Variants in ZNF282 observed in about 807,000 individuals in gnomAD.
ZNF282 encodes zinc finger protein 282, also known as HTLV-I U5 repressive element-binding protein 1.
ZNF282 carries 30 observed loss-of-function variants against 61.9 expected under a neutral mutation model. The observed-to-expected ratio is 0.48, with a 90% confidence interval of 0.36 to 0.66. The LOEUF is 0.66. ZNF282 is among the 30% of genes least tolerant of loss of function. The pLI is 0.00. For missense variants in ZNF282, 788 were observed against 941.4 expected (o/e 0.84, Z 2.13); for synonymous variants, 396 against 405.0 (o/e 0.98, Z 0.27).
At position 149,210,578 on chromosome 7, in the gene ZNF282, T is replaced by G; in HGVS notation, c.833-7T>G. The G allele has an allele frequency of 1.2e-6, 2 of 1,609,892 alleles. No individual in the cohort carries two copies. The highest frequency in any genetic ancestry group is 1.7e-6 in the Non-Finnish European group (2 of 1,178,328). ...AGACACAAAGCAATGTCATTCTCTG[T>G]CCCCAGGAGCAGAGCCCCTGGTGCC... On this transcript the variant is annotated splice_polypyrimidine_tract_variant and splice_region_variant and intron_variant, in intron 4 of 7. Coordinates refer to ENST00000610704, the MANE Select transcript of ZNF282 (RefSeq NM_003575.4).
intron 7 of ZNF282, among the ~76,000 whole-genome samples, chr7:149,222,944 C>G (rs549268122): frequency 1.3e-5 from 2 of 151,494 alleles, no homozygotes; most frequent in Admixed American, 6.6e-5. Flanking sequence ...CTGCGCCTGG[C>G]CTTTTTAAAT....
At chr7:149,208,936 G>A (rs1166285023) in intron 4 of ZNF282, among the ~76,000 whole-genome samples, 9 of 148,856 alleles carry the variant, frequency 6.0e-5, no homozygotes, top group Non-Finnish European at 8.9e-5. Flanking sequence ...CAGGAGAATC[G>A]CTGGAACCCG....
chr7:149,209,966 G>A (rs752654877), intron 4 of ZNF282, among the ~76,000 whole-genome samples: 6 of 152,174 alleles, frequency 3.9e-5, no homozygotes, highest in Non-Finnish European at 8.8e-5. Flanking sequence ...AGGAAATGAT[G>A]TTATTTGAGG....
At chr7:149,214,450 G>T (rs928157476) in intron 7 of ZNF282, among the ~76,000 whole-genome samples, 1 of 152,086 alleles carries the variant, frequency 6.6e-6, no homozygotes, top group African/African-American at 2.4e-5. Context: ...TTTATGGCAG[G>T]GAGGGGAGGA....
rs1796353906 is a variant in ZNF282, at chr7:149,225,466, T to G, written c.*819T>G. ...GGTTGTACATTCAGAGGGCTCTTTC[T>G]CCATGGGAGCTCCTGGTGCCGCCTC... On this transcript the variant is annotated 3_prime_UTR_variant, in exon 8 of 8. Transcript: ENST00000610704. 1.3e-5 allele frequency: 2 copies of G among 152,248 alleles called. No homozygotes were observed. Among genetic ancestry groups the G allele is most frequent in the Admixed American group, 1.3e-4 (2 of 15,274 alleles). The allele number at this position is 152,248 out of a possible 1,614,324, so 9.4% of individuals were successfully genotyped here.
chr7:149,224,839 G>T lies in ZNF282; in HGVS notation c.*192G>T. The T allele has an allele frequency of 9.3e-7, 1 of 1,077,836 alleles. No individual in the cohort carries two copies. The highest frequency in any genetic ancestry group is 1.3e-6 in the Non-Finnish European group (1 of 780,318). 66.8% of individuals were successfully genotyped at this position (1,077,836 alleles called of 1,614,324 possible). A position where few individuals can be genotyped will look rare whatever the true frequency, so the allele number is the denominator to read the frequency against. The stretch of plus-strand genomic sequence containing the variant: ...CTGAATGGACGCCCAGCTCATCTAG[G>T]GTGGACCCAGCTGCTGGGGAAGAGC... On this transcript the variant is annotated 3_prime_UTR_variant, in exon 8 of 8. Transcript: ENST00000610704.
In ZNF282 at chr7:149,220,179, C is replaced by T. The variant is rs188215651; in HGVS notation, c.1181-3633C>T. ...ATCCCAGCACTTTGAGAGGCCGAGA[C>T]GGGCGGATCCTGAGGTCAGGAGATC... On this transcript the variant is annotated intron_variant, in intron 7 of 7. Transcript: ENST00000610704. Among the ~76,000 whole-genome samples, 446 of 152,208 alleles carry T rather than the reference C, an allele frequency of 2.9e-3. 5 individuals carry two copies. Among genetic ancestry groups the T allele is most frequent in the Middle Eastern group, 0.024 (7 of 294 alleles).
Position 149,223,801 on chromosome 7 carries a change from T to C in ZNF282, c.1181-11T>C. The C allele has an allele frequency of 2.0e-6, 3 of 1,488,030 alleles. No individual in the cohort carries two copies. The highest frequency in any genetic ancestry group is 2.7e-6 in the Non-Finnish European group (3 of 1,128,718). The allele number at this position is 1,488,030 out of a possible 1,614,324, so 92.2% of individuals were successfully genotyped here. A position where few individuals can be genotyped will look rare whatever the true frequency, so the allele number is the denominator to read the frequency against. Reference sequence around the variant, plus strand: ...CCCCTGTCAGCATGTCACTTCTTCCTATCTCCCCAGGTGACAGCCTGCTGA... The same window carrying C: ...CCCCTGTCAGCATGTCACTTCTTCCCATCTCCCCAGGTGACAGCCTGCTGA... On this transcript the variant is annotated splice_polypyrimidine_tract_variant and intron_variant, in intron 7 of 7. Coordinates refer to ENST00000610704, the MANE Select transcript of ZNF282 (RefSeq NM_003575.4).
chr7:149,210,814 T>C, intron 5 of ZNF282, 110 bp downstream of exon 5: 1 of 1,411,048 alleles, frequency 7.1e-7, no homozygotes, highest in South Asian at 1.5e-5. Context: ...GCCAGAGGGC[T>C]GAGCTCGAAA....
At chr7:149,220,336 C>G (rs1185476194) in intron 7 of ZNF282, among the ~76,000 whole-genome samples, 1 of 151,858 alleles carries the variant, frequency 6.6e-6, no homozygotes, top group Admixed American at 6.6e-5. Context: ...GGCGTGAACC[C>G]AGGAGGCGGA....
intron 7 of ZNF282, among the ~76,000 whole-genome samples, chr7:149,221,174 C>T (rs1042621496): frequency 1.3e-5 from 2 of 152,186 alleles, no homozygotes; most frequent in Non-Finnish European, 2.9e-5. Flanking sequence ...CTGCCTTGGC[C>T]TCCCAATGTG....
intron 2 of ZNF282, among the ~76,000 whole-genome samples, chr7:149,205,427 C>T (rs974687729): frequency 1.3e-5 from 2 of 152,094 alleles, no homozygotes; most frequent in East Asian, 1.9e-4. Context: ...GACAGCGAGA[C>T]TCTGTCTCAA....
At chr7:149,218,713 TC>T (rs558401323) in intron 7 of ZNF282, among the ~76,000 whole-genome samples, 57 of 151,974 alleles carry the variant, frequency 3.8e-4, no homozygotes, top group African/African-American at 1.3e-3. Context: ...ATTTGGGGGT[TC>T]TAGGCCACCC....
At chr7:149,197,380 T>C (rs1411044794) in intron 1 of ZNF282, among the ~76,000 whole-genome samples, 1 of 152,238 alleles carries the variant, frequency 6.6e-6, no homozygotes, top group African/African-American at 2.4e-5. Flanking sequence ...ACAGTAGTTG[T>C]ATATGGGGGG....
intron 7 of ZNF282, among the ~76,000 whole-genome samples, chr7:149,214,968 A>G (rs1357879110): frequency 1.3e-5 from 2 of 152,162 alleles, no homozygotes; most frequent in Non-Finnish European, 2.9e-5. Flanking sequence ...ATGGAACCAA[A>G]TGTCTCACCA....
rs773395213 is a variant in ZNF282, at chr7:149,195,676, G to A, written c.87G>A (p.Gln29=). Residue 29 remains glutamine (Q), a synonymous_variant, in exon 1 of 8, where the codon CAG becomes CAA. Coordinates refer to ENST00000610704, the MANE Select transcript of ZNF282 (RefSeq NM_003575.4). ...ACAGCGGGAGCTGGAGCTGGGCCCAGGCTCTGCCCCCGGAGGAGGTCTGCC... is the reference window on the plus strand; with the variant it reads ...ACAGCGGGAGCTGGAGCTGGGCCCAAGCTCTGCCCCCGGAGGAGGTCTGCC... ...GLDSGSWSWA[Q]ALPPEEVCHQ... 6.3e-7 allele frequency: 1 copy of A among 1,589,956 alleles called. No individual in the cohort carries two copies. Among genetic ancestry groups the A allele is most frequent in the Non-Finnish European group, 8.5e-7 (1 of 1,169,682 alleles).
At chr7:149,200,609 T>TTTA (rs566877455) in intron 2 of ZNF282, among the ~76,000 whole-genome samples, 3,338 of 151,876 alleles carry the variant, frequency 0.022, 67 homozygotes, top group Admixed American at 0.048. Context: ...TTATTTATTT[T>TTTA]TTTTGAGACA....
intron 5 of ZNF282, among the ~76,000 whole-genome samples, chr7:149,211,903 C>T: frequency 6.6e-6 from 1 of 152,256 alleles, no homozygotes; most frequent in South Asian, 2.1e-4. Flanking sequence ...CTTTTTCTTA[C>T]ATCTTAGAAA....
chr7:149,196,728 C>T (rs1015887065), intron 1 of ZNF282, among the ~76,000 whole-genome samples: 1 of 152,168 alleles, frequency 6.6e-6, no homozygotes, highest in Non-Finnish European at 1.5e-5. Context: ...GGACTCTGTC[C>T]CCTTCTGTGG....
Sources: allele counts gnomAD v4.1 joint callset (sites outside exome capture counted in the v4.1 genomes callset), GRCh38; gene constraint gnomAD v4.1.1; transcripts MANE v1.5; gene names NCBI Gene and HGNC (gene_info 2026-07-23, HGNC 2026-07-21).